The following DYNLRB2 variants were observed in gnomAD, a reference collection of about 807,000 sequenced individuals.
DYNLRB2 encodes the protein bithoraxoid-like protein.
In DYNLRB2, 14 loss-of-function variants were observed where a neutral mutation model predicts 12.6. The ratio of observed to expected loss-of-function variants is 1.11; its 90% CI spans 0.73 to 1.73. The LOEUF is 1.73. DYNLRB2 is among the 40% of genes most tolerant of loss of function. The pLI is 0.00. For missense variants in DYNLRB2, 142 were observed against 117.7 expected, an observed-to-expected ratio of 1.21 and a Z score of -0.95; for synonymous variants, 53 against 37.0, an observed-to-expected ratio of 1.43 and a Z score of -1.57.
upstream of DYNLRB2, chr16:80,540,738 T>C: frequency 1.4e-6 from 1 of 702,654 alleles, no homozygotes; most frequent in Non-Finnish European, 2.6e-6. Flanking sequence ...GAATAAGTGG[T>C]TATCACATTA....
intron 1 of DYNLRB2, among the ~76,000 whole-genome samples, chr16:80,542,097 G>C (rs1274726804): frequency 1.3e-5 from 2 of 152,154 alleles, no homozygotes; most frequent in Non-Finnish European, 2.9e-5. Flanking sequence ...CCGAAGAGCA[G>C]GCCTCAGGCT....
chr16:80,541,125 G>A (rs1370950373), intron 1 of DYNLRB2, 46 bp downstream of exon 1: 2 of 1,590,456 alleles, frequency 1.3e-6, no homozygotes, highest in Non-Finnish European at 1.7e-6. Context: ...CAAGCACGCC[G>A]ACCGTCAAGG....
intron 1 of DYNLRB2, among the ~76,000 whole-genome samples, chr16:80,542,566 A>G (rs1029850203): frequency 6.6e-6 from 1 of 152,234 alleles, no homozygotes; most frequent in African/African-American, 2.4e-5. Flanking sequence ...CAGGTTTGGA[A>G]AAGATCGTTC....
intron 2 of DYNLRB2, chr16:80,549,142 C>A: frequency 2.6e-6 from 1 of 390,216 alleles, no homozygotes; most frequent in Non-Finnish European, 5.1e-6. Flanking sequence ...TACCAAATGA[C>A]CAAACAATAG....
At chr16:80,546,248 A>G (rs1361340143) in intron 2 of DYNLRB2, among the ~76,000 whole-genome samples, 2 of 152,252 alleles carry the variant, frequency 1.3e-5, no homozygotes, top group African/African-American at 2.4e-5. Flanking sequence ...AGATGAAAGC[A>G]TCATTTATTT....
At position 80,550,549 on chromosome 16, in the gene DYNLRB2, A is replaced by T; in HGVS notation, c.282A>T (p.Pro94=). 6.2e-7 allele frequency: 1 copy of T among 1,614,206 alleles called. No homozygotes were observed. Among genetic ancestry groups the T allele is most frequent in the African/African-American group, 1.3e-5 (1 of 75,058 alleles). Residue 94 remains proline, a synonymous_variant, in exon 4 of 4, where the codon CCA becomes CCT. Coordinates refer to ENST00000305904, the MANE Select transcript of DYNLRB2 (RefSeq NM_130897.3). Reference sequence around the variant, plus strand: ...ATCTTCTGATCGTCATTCAGAATCCATGTGAATAGACCTGCGATGGCCAAG... The same window carrying T: ...ATCTTCTGATCGTCATTCAGAATCCTTGTGAATAGACCTGCGATGGCCAAG... ...KEYLLIVIQN[P]CE
intron 2 of DYNLRB2, 83 bp downstream of exon 2, chr16:80,543,434 C>A (rs1217475069): frequency 2.3e-6 from 3 of 1,317,978 alleles, no homozygotes; most frequent in African/African-American, 1.5e-5. Flanking sequence ...AGACAAACAT[C>A]TTCGAATTTG....
chr16:80,549,726 G>T (rs966585147), intron 3 of DYNLRB2, 75 bp downstream of exon 3: 1 of 1,412,268 alleles, frequency 7.1e-7, no homozygotes, highest in African/African-American at 1.4e-5. Context: ...TCTATGAATG[G>T]TAAGTACAGA....
intron 2 of DYNLRB2, among the ~76,000 whole-genome samples, chr16:80,545,696 C>G (rs540439511): frequency 3.4e-4 from 4 of 11,742 alleles, no homozygotes; most frequent in Non-Finnish European, 1.9e-3. Context: ...GAGATGGAGT[C>G]TCTCTCTGTC....
At chr16:80,541,220 G>C (rs1904285235) in intron 1 of DYNLRB2, 141 bp downstream of exon 1, 1 of 1,437,668 alleles carries the variant, frequency 7.0e-7, no homozygotes, top group Admixed American at 2.8e-5. Context: ...GGATCTTCCT[G>C]GAGGGGCGAG....
chr16:80,548,578 C>T (rs951159593), intron 2 of DYNLRB2, among the ~76,000 whole-genome samples: 4 of 151,900 alleles, frequency 2.6e-5, no homozygotes, highest in African/African-American at 7.3e-5. Flanking sequence ...AACAATTAGC[C>T]GGGCGTGGTG....
At chr16:80,549,934 T>G (rs1464414498) in intron 3 of DYNLRB2, among the ~76,000 whole-genome samples, 1 of 152,192 alleles carries the variant, frequency 6.6e-6, no homozygotes, top group Non-Finnish European at 1.5e-5. Flanking sequence ...TCAGCAAACT[T>G]AGCATACAGA....
In DYNLRB2 at chr16:80,542,618, A is replaced by T. The variant is rs567178710; in HGVS notation, c.4-658A>T. Among the ~76,000 whole-genome samples the T allele has an allele frequency of 5.3e-5, 8 of 152,316 alleles. No homozygotes were observed. In the East Asian group the frequency reaches 1.5e-3, roughly 29 times the overall value. ...TACAGGGGAAGAAAACATACAATACACTCTACACATAAGATTCCGAATGAG... is the reference window on the plus strand; with the variant it reads ...TACAGGGGAAGAAAACATACAATACTCTCTACACATAAGATTCCGAATGAG... On this transcript the variant is annotated intron_variant, in intron 1 of 3. Coordinates refer to ENST00000305904, the MANE Select transcript of DYNLRB2 (RefSeq NM_130897.3).
intron 2 of DYNLRB2, among the ~76,000 whole-genome samples, chr16:80,548,407 G>A (rs1482191358): frequency 2.0e-5 from 3 of 152,062 alleles, no homozygotes; most frequent in Admixed American, 6.6e-5. Flanking sequence ...CCACTTAATA[G>A]TTTCTGTTTT....
chr16:80,541,103 GC>G, intron 1 of DYNLRB2, 24 bp downstream of exon 1: 1 of 1,592,948 alleles, frequency 6.3e-7, no homozygotes, highest in South Asian at 1.1e-5. Flanking sequence ...CTCCGTCCAC[GC>G]CCCGCCGTTC....
At chr16:80,546,638 C>A (rs1904483940) in intron 2 of DYNLRB2, among the ~76,000 whole-genome samples, 1 of 152,180 alleles carries the variant, frequency 6.6e-6, no homozygotes, top group African/African-American at 2.4e-5. Flanking sequence ...AATATTGCAA[C>A]ACTGATCATT....
At chr16:80,549,150 TAGG>T in intron 2 of DYNLRB2, 1 of 380,320 alleles carries the variant, frequency 2.6e-6, no homozygotes, top group Admixed American at 3.2e-5. Flanking sequence ...GACCAAACAA[TAGG>T]AGATTGATTA....
chr16:80,543,351 G>A lies in DYNLRB2; in HGVS notation c.79G>A (p.Gly27Ser), dbSNP rs199533524. The change falls in exon 2 of 4, where the codon GGT (glycine) becomes AGT (serine). Residue 27 changes from glycine to serine, a missense_variant and splice_region_variant. By Grantham distance (56) the Gly-to-Ser change is moderately conservative (BLOSUM62 0). Coordinates refer to ENST00000305904, the MANE Select transcript of DYNLRB2 (RefSeq NM_130897.3). ...VIGTMVVNAE[G>S]IPIRTTLDNS... The stretch of plus-strand genomic sequence containing the variant: ...TGGAACTATGGTTGTAAATGCAGAA[G>A]GTAAATATATCACAGGCTGTCTTCT... 1.2e-6 allele frequency: 2 copies of A among 1,613,774 alleles called. No individual in the cohort carries two copies. The highest frequency in any genetic ancestry group is 1.7e-5 in the Admixed American group (1 of 60,020).
intron 3 of DYNLRB2, 75 bp from the exon 4 acceptor site, chr16:80,550,440 A>G: frequency 1.3e-6 from 2 of 1,576,164 alleles, no homozygotes; most frequent in South Asian, 2.2e-5. Flanking sequence ...TTTTGAAGAA[A>G]AAAGAAGACT....
Sources: allele counts gnomAD v4.1 joint callset (sites outside exome capture counted in the v4.1 genomes callset), GRCh38; gene constraint gnomAD v4.1.1; transcripts MANE v1.5; gene names NCBI Gene and HGNC (gene_info 2026-07-23, HGNC 2026-07-21).